The following AUTS2 variants were observed in gnomAD, a reference collection of about 807,000 sequenced individuals.
AUTS2 encodes the protein activator of transcription and developmental regulator AUTS2, also known as autism susceptibility gene 2 protein.
AUTS2 carries 17 observed loss-of-function variants against 112.4 expected under a neutral mutation model. That is an observed-to-expected ratio of 0.15 (90% CI 0.10 to 0.23). The LOEUF (loss-of-function observed/expected upper bound fraction) is 0.23, where lower values mean the gene tolerates loss of function less well. Ranked by LOEUF, AUTS2 falls within the 10% of genes least tolerant of loss-of-function variation. The pLI, the probability that AUTS2 is intolerant of heterozygous loss-of-function variation, is 1.00. For synonymous variants in AUTS2, 751 were observed against 702.7 expected (o/e 1.07, Z -1.09); for missense variants, 1,510 against 1,701.6 (o/e 0.89, Z 1.98).
At chr7:70,711,027 T>C (rs1318987558) in intron 6 of AUTS2, among the ~76,000 whole-genome samples, 1 of 152,098 alleles carries the variant, frequency 6.6e-6, no homozygotes, top group Non-Finnish European at 1.5e-5. Flanking sequence ...TGGTAAAGGG[T>C]GACTTGCCAT....
rs887664362 is a variant in AUTS2, at chr7:69,801,174, A to T, written c.310-98112A>T. On this transcript the variant is annotated intron_variant, in intron 1 of 18. Transcript: ENST00000342771. ...TTATCAATAAACATTTTTTGACTGA[A>T]TAAAAGCATAATAAAACAATATGTT... is the stretch of plus-strand genomic sequence containing the variant. Among the ~76,000 whole-genome samples the T allele has an allele frequency of 2.6e-5, 4 of 151,030 alleles. No homozygotes were observed. In the Admixed American group the frequency reaches 2.7e-4, roughly 10 times the overall value.
chr7:70,541,265 C>G (rs1180272450), intron 5 of AUTS2, among the ~76,000 whole-genome samples: 1 of 152,126 alleles, frequency 6.6e-6, no homozygotes, highest in African/African-American at 2.4e-5. Context: ...GTTCTGAGCT[C>G]TGAGGTACCC....
intron 6 of AUTS2, among the ~76,000 whole-genome samples, chr7:70,731,319 AT>A (rs575885880): frequency 1.8e-3 from 209 of 118,130 alleles, no homozygotes; most frequent in East Asian, 6.9e-3. Context: ...AGAAGATACT[AT>A]TTTTTTTTTT....
intron 5 of AUTS2, among the ~76,000 whole-genome samples, chr7:70,635,511 G>A (rs1451664974): frequency 6.6e-6 from 1 of 152,182 alleles, no homozygotes; most frequent in Non-Finnish European, 1.5e-5. Flanking sequence ...GAAGGCCTGG[G>A]TTCCTAAGCT....
chr7:70,470,857 C>T (rs949107755), intron 5 of AUTS2, among the ~76,000 whole-genome samples: 1 of 152,116 alleles, frequency 6.6e-6, no homozygotes, highest in African/African-American at 2.4e-5. Flanking sequence ...GTCTAGTAGT[C>T]TGTGTCAGCA....
chr7:70,595,831 G>A (rs985083278), intron 5 of AUTS2, among the ~76,000 whole-genome samples: 1 of 152,230 alleles, frequency 6.6e-6, no homozygotes, highest in Non-Finnish European at 1.5e-5. Flanking sequence ...CTGGAGAGGT[G>A]GGGCAGTTTT....
chr7:69,827,081 AAATG>A (rs1163319395), intron 1 of AUTS2, among the ~76,000 whole-genome samples: 1 of 152,096 alleles, frequency 6.6e-6, no homozygotes, highest in Non-Finnish European at 1.5e-5. Flanking sequence ...CCAGGGTGGG[AAATG>A]CTTTCCTTGG....
intron 5 of AUTS2, among the ~76,000 whole-genome samples, chr7:70,588,593 G>A (rs1426841305): frequency 6.6e-6 from 1 of 152,182 alleles, no homozygotes; most frequent in Non-Finnish European, 1.5e-5. Flanking sequence ...GAACAATGGC[G>A]GAAGAGGCAG....
chr7:70,428,201 G>A (rs1410649399), intron 4 of AUTS2, among the ~76,000 whole-genome samples: 1 of 152,078 alleles, frequency 6.6e-6, no homozygotes, highest in Non-Finnish European at 1.5e-5. Context: ...GGCCCCAGTA[G>A]CTTTAAATTT....
chr7:70,276,153 C>T (rs1440654673), intron 4 of AUTS2, among the ~76,000 whole-genome samples: 3 of 152,036 alleles, frequency 2.0e-5, no homozygotes, highest in African/African-American at 7.2e-5. Context: ...TGAGTACGTG[C>T]TTTGTGATAG....
chr7:70,265,665 G>A (rs1057186804), intron 4 of AUTS2, among the ~76,000 whole-genome samples: 1 of 152,206 alleles, frequency 6.6e-6, no homozygotes, highest in African/African-American at 2.4e-5. Flanking sequence ...GGAGGGGAAT[G>A]AGGGCAGGTG....
chr7:70,490,931 C>A (rs1322473115), intron 5 of AUTS2, among the ~76,000 whole-genome samples: 1 of 152,186 alleles, frequency 6.6e-6, no homozygotes, highest in East Asian at 1.9e-4. Context: ...AAGCTGGCTG[C>A]TCACCTCCAG....
At chr7:70,226,272 C>G (rs895902390) in intron 4 of AUTS2, among the ~76,000 whole-genome samples, 1 of 152,074 alleles carries the variant, frequency 6.6e-6, no homozygotes, top group Non-Finnish European at 1.5e-5. Context: ...ACTGCAAGCT[C>G]CACCTCCCAG....
At chr7:70,551,398 A>G (rs897071355) in intron 5 of AUTS2, among the ~76,000 whole-genome samples, 5 of 152,188 alleles carry the variant, frequency 3.3e-5, no homozygotes, top group African/African-American at 1.2e-4. Flanking sequence ...AATCACATTA[A>G]TAGAACAGAC....
chr7:70,119,970 T>C (rs1295552077), intron 3 of AUTS2: 1 of 152,210 alleles, frequency 6.6e-6, no homozygotes, highest in African/African-American at 2.4e-5. Flanking sequence ...ACTTTACTAG[T>C]ATTCAGTTTA....
chr7:70,462,031 C>G (rs1796985483), intron 5 of AUTS2, among the ~76,000 whole-genome samples: 1 of 152,160 alleles, frequency 6.6e-6, no homozygotes, highest in Non-Finnish European at 1.5e-5. Context: ...GTAGGCAGAT[C>G]ACCTGAGGTC....
intron 6 of AUTS2, among the ~76,000 whole-genome samples, chr7:70,710,351 G>T (rs1809985270): frequency 6.6e-6 from 1 of 152,096 alleles, no homozygotes; most frequent in Non-Finnish European, 1.5e-5. Flanking sequence ...TTGAAATGAG[G>T]CTTGCATGGG....
At chr7:70,019,477 G>A (rs1447915364) in intron 2 of AUTS2, among the ~76,000 whole-genome samples, 4 of 152,164 alleles carry the variant, frequency 2.6e-5, no homozygotes, top group South Asian at 4.1e-4. Flanking sequence ...TTCTGTGGTT[G>A]TCCTTCTCTT....
chr7:69,973,913 T>G (rs1225790373), intron 2 of AUTS2, among the ~76,000 whole-genome samples: 1 of 152,134 alleles, frequency 6.6e-6, no homozygotes, highest in Admixed American at 6.6e-5. Flanking sequence ...AATGGTTTTA[T>G]TATGAGGATA....
Sources: gnomAD v4.1 joint callset for allele counts (sites outside exome capture counted in the v4.1 genomes callset) on GRCh38, gnomAD v4.1.1 for gene constraint, MANE v1.5 for transcripts, NCBI Gene and HGNC (gene_info 2026-07-23, HGNC 2026-07-21) for gene names.